Variants in FBRSL1 observed in about 807,000 individuals in gnomAD.
FBRSL1 encodes fibrosin-1-like protein.
In FBRSL1, 51 loss-of-function variants were observed where a neutral mutation model predicts 89.6. That is an observed-to-expected ratio of 0.57 (90% confidence interval 0.45 to 0.72). The LOEUF is 0.72. Ranked by LOEUF, FBRSL1 falls within the 30% of genes least tolerant of loss-of-function variation. FBRSL1 has a pLI of 0.00. For synonymous variants in FBRSL1, 779 were observed against 681.1 expected (o/e 1.14, Z -2.24); for missense variants, 1,618 against 1,451.8 (o/e 1.11, Z -1.86).
intron 6 of FBRSL1, among the ~76,000 whole-genome samples, 159 bp from the exon 7 acceptor site, chr12:132,569,767 A>G (rs57732882): frequency 0.028 from 4,252 of 152,022 alleles, 112 homozygotes; most frequent in East Asian, 0.14. Context: ...AGATCCAGCT[A>G]GCTGTGTGGC....
At chr12:132,490,935 G>A (rs1020037957) in intron 1 of FBRSL1, 74 bp downstream of exon 1, 1 of 1,079,786 alleles carries the variant, frequency 9.3e-7, no homozygotes, top group Middle Eastern at 3.1e-4. Flanking sequence ...GGGCGATCCC[G>A]GGACCCCTGG....
intron 1 of FBRSL1, among the ~76,000 whole-genome samples, chr12:132,500,977 CT>C (rs1262864272): frequency 6.6e-6 from 1 of 152,262 alleles, no homozygotes; most frequent in Admixed American, 6.5e-5. Context: ...ACACCCTGTC[CT>C]GTGGCCGGCG....
intron 5 of FBRSL1, among the ~76,000 whole-genome samples, chr12:132,567,167 G>A (rs539751233): frequency 2.0e-5 from 3 of 152,220 alleles, no homozygotes; most frequent in South Asian, 4.1e-4. Context: ...AAATGCCGGC[G>A]CTCCCCCAGT....
At chr12:132,559,881 G>A (rs2038960656) in intron 5 of FBRSL1, among the ~76,000 whole-genome samples, 1 of 150,866 alleles carries the variant, frequency 6.6e-6, no homozygotes, top group African/African-American at 2.4e-5. Flanking sequence ...CGGCGGGCGC[G>A]GGTGGATCGG....
chr12:132,532,983 C>T (rs1366438345), intron 4 of FBRSL1, among the ~76,000 whole-genome samples: 4 of 152,204 alleles, frequency 2.6e-5, no homozygotes, highest in African/African-American at 9.7e-5. Flanking sequence ...AGGTTTGTGA[C>T]ACTCATTACG....
At chr12:132,521,937 G>T (rs2035394084) in intron 2 of FBRSL1, among the ~76,000 whole-genome samples, 1 of 152,190 alleles carries the variant, frequency 6.6e-6, no homozygotes, top group African/African-American at 2.4e-5. Context: ...CTGGGGAGCA[G>T]GTGGGGCGAT....
At chr12:132,572,050 C>T (rs1180508170) in intron 9 of FBRSL1, 6 of 568,174 alleles carry the variant, frequency 1.1e-5, no homozygotes, top group Admixed American at 6.5e-5. Context: ...CTGGGGGGGC[C>T]GAGTTCCCAC....
At chr12:132,569,134 G>A (rs903675789) in intron 6 of FBRSL1, among the ~76,000 whole-genome samples, 4 of 151,860 alleles carry the variant, frequency 2.6e-5, no homozygotes, top group Admixed American at 2.0e-4. Flanking sequence ...CCACATGGAC[G>A]CTGCCCTCTC....
At chr12:132,526,241 C>T (rs1209670601) in intron 3 of FBRSL1, among the ~76,000 whole-genome samples, 2 of 152,234 alleles carry the variant, frequency 1.3e-5, no homozygotes, top group Non-Finnish European at 2.9e-5. Context: ...GAGATGGGCA[C>T]TGGCGGGGCA....
chr12:132,547,318 G>A (rs989197524), intron 4 of FBRSL1, among the ~76,000 whole-genome samples: 3 of 151,656 alleles, frequency 2.0e-5, no homozygotes, highest in Admixed American at 6.6e-5. Flanking sequence ...GACAGTCAGT[G>A]TGTTCTTTGT....
At chr12:132,493,773 G>A (rs2031529015) in intron 1 of FBRSL1, among the ~76,000 whole-genome samples, 2 of 152,332 alleles carry the variant, frequency 1.3e-5, no homozygotes, top group South Asian at 2.1e-4. Context: ...CCCAGCATCT[G>A]CACATTTATA....
intron 16 of FBRSL1, 59 bp downstream of exon 16, chr12:132,581,575 G>T (rs954482973): frequency 1.3e-6 from 2 of 1,535,704 alleles, no homozygotes; most frequent in Non-Finnish European, 8.8e-7. Flanking sequence ...GCCTTGTGGC[G>T]GGGGAATTAG....
chr12:132,580,916 G>C (rs979704257), intron 15 of FBRSL1: 38 of 985,338 alleles, frequency 3.9e-5, no homozygotes, highest in Non-Finnish European at 4.6e-5. Context: ...AGGGTTGTTG[G>C]GGGGCCAGGG....
chr12:132,561,486 G>A (rs528538257), intron 5 of FBRSL1, among the ~76,000 whole-genome samples: 115 of 152,286 alleles, frequency 7.6e-4, no homozygotes, highest in African/African-American at 2.6e-3. Flanking sequence ...CTAGAGACGA[G>A]GGCCGGCTTT....
intron 13 of FBRSL1, 31 bp downstream of exon 13, chr12:132,574,379 G>A (rs1252379888): frequency 6.5e-7 from 1 of 1,549,764 alleles, no homozygotes; most frequent in Non-Finnish European, 8.7e-7. Context: ...CCCGTGGCAA[G>A]GGAGGACTCT....
chr12:132,498,220 C>T (rs1249372209), intron 1 of FBRSL1, among the ~76,000 whole-genome samples: 1 of 152,166 alleles, frequency 6.6e-6, no homozygotes, highest in Non-Finnish European at 1.5e-5. Flanking sequence ...TCTCTCCGGG[C>T]CCCTCGCTCA....
In FBRSL1 at chr12:132,582,176, C is replaced by T; in HGVS notation, c.2111C>T (p.Pro704Leu). Residue 704 changes from proline (P) to leucine (L), a missense_variant, in exon 18 of 19, where the codon CCC becomes CTC. By Grantham distance (98) the Pro-to-Leu change is moderately conservative (BLOSUM62 -3). Transcript: ENST00000680143. Reference protein sequence around the residue: ...HRAPPSFPAPPPWPKSVDAER... With the variant: ...HRAPPSFPAPLPWPKSVDAER... ...GCACCGCCCTCCTTCCCGGCTCCGC[C>T]CCCGTGGCCCAAGTCCGTGGACGCG... 1 of 1,550,156 alleles carries T rather than the reference C, an allele frequency of 6.5e-7. No homozygotes were observed. The highest frequency in any genetic ancestry group is 8.7e-7 in the Non-Finnish European group (1 of 1,146,844).
At chr12:132,564,027 C>T (rs1452389760) in intron 5 of FBRSL1, among the ~76,000 whole-genome samples, 2 of 152,188 alleles carry the variant, frequency 1.3e-5, no homozygotes, top group African/African-American at 2.4e-5. Flanking sequence ...GCTGGGGCCG[C>T]GCTCACGGTC....
intron 2 of FBRSL1, chr12:132,510,097 T>G: frequency 8.2e-7 from 1 of 1,225,284 alleles, no homozygotes; most frequent in Non-Finnish European, 1.0e-6. Flanking sequence ...AAGCAGCCGC[T>G]CATGGGCCCG....
Sources: gnomAD v4.1 joint callset for allele counts (sites outside exome capture counted in the v4.1 genomes callset) on GRCh38, gnomAD v4.1.1 for gene constraint, MANE v1.5 for transcripts, NCBI Gene and HGNC (gene_info 2026-07-23, HGNC 2026-07-21) for gene names.